The following APOB variants were observed in gnomAD, a reference collection of about 807,000 sequenced individuals.
The protein encoded by APOB is apolipoprotein B-100.
Under a neutral mutation model 314.1 loss-of-function variants are expected in APOB, and 153 were observed. That is an observed-to-expected ratio of 0.49 (90% CI 0.43 to 0.56). The LOEUF (loss-of-function observed/expected upper bound fraction) is 0.56, where lower values mean the gene tolerates loss of function less well. APOB is among the 20% of genes least tolerant of loss of function. The pLI, the probability that APOB is intolerant of heterozygous loss-of-function variation, is 0.00. For missense variants in APOB, 5,430 were observed against 5,350.7 expected (o/e 1.01, Z -0.46); for synonymous variants, 2,087 against 2,036.4 (o/e 1.02, Z -0.67).
At position 21,028,530 on chromosome 2, in the gene APOB, C is replaced by T. The variant is rs367788462; in HGVS notation, c.1626G>A (p.Glu542=). The T allele has an allele frequency of 6.2e-6, 10 of 1,610,694 alleles. No homozygotes were observed. In the East Asian group the frequency reaches 1.6e-4, roughly 25 times the overall value. ...CATCAAGGAAAGTCTGAAGAAGAAC[C>T]TCCTGGTCCTGCAGTCAAAAGAGGA... ...RKMEPKDKDQ[E]VLLQTFLDDA... The change falls in exon 13 of 29, where the codon GAG becomes GAA. Residue 542 remains glutamate (E), a synonymous_variant. Transcript: ENST00000233242.
intron 7 of APOB, 74 bp from the exon 8 acceptor site, chr2:21,034,975 T>G: frequency 1.2e-6 from 1 of 828,524 alleles, no homozygotes; most frequent in Non-Finnish European, 2.2e-6. Context: ...AGGTTTTCCC[T>G]GTCTCTGCAT....
chr2:21,028,304 T>TG, intron 13 of APOB, 23 bp downstream of exon 13: 2 of 1,586,744 alleles, frequency 1.3e-6, no homozygotes, highest in Non-Finnish European at 1.7e-6. Context: ...CAGTGGTATA[T>TG]GGGGTGAATA....
In APOB at chr2:21,011,232, A is replaced by G. The variant is rs963000267; in HGVS notation, c.5636T>C (p.Ile1879Thr). Residue 1879 changes from isoleucine to threonine, a missense_variant, in exon 26 of 29, where the codon ATT becomes ACT. Ile to Thr is a moderately conservative substitution (Grantham distance 89). This residue lies in a region of APOB where 3,281 missense variants were observed against 3,171.0 expected (regional missense o/e 1.03). Coordinates refer to ENST00000233242, the MANE Select transcript of APOB (RefSeq NM_000384.3). ...TGAATTATAGTTTGTGCTCATGTCAATGGCTGAAGCCAGCCCAGCGATGTC... is the reference window on the plus strand; with the variant it reads ...TGAATTATAGTTTGTGCTCATGTCAGTGGCTGAAGCCAGCCCAGCGATGTC... ...NTDIAGLASA[I>T]DMSTNYNSDS... The G allele has an allele frequency of 6.2e-7, 1 of 1,614,218 alleles. No homozygotes were observed. Among genetic ancestry groups the G allele is most frequent in the South Asian group, 1.1e-5 (1 of 91,086 alleles).
At chr2:21,034,974 C>T in intron 7 of APOB, 73 bp from the exon 8 acceptor site, 1 of 839,388 alleles carries the variant, frequency 1.2e-6, no homozygotes, top group Non-Finnish European at 2.1e-6. Flanking sequence ...AAGGTTTTCC[C>T]TGTCTCTGCA....
rs760734006 is a variant in APOB at position 21,005,913 on chromosome 2, T to A, written c.10955A>T (p.Asn3652Ile). 6.2e-7 allele frequency: 1 copy of A among 1,613,968 alleles called. No homozygotes were observed. The highest frequency in any genetic ancestry group is 8.5e-7 in the Non-Finnish European group (1 of 1,179,948). The change falls in exon 26 of 29, where the codon AAT becomes ATT. Residue 3652 changes from asparagine to isoleucine, a missense_variant. Physicochemically the swap from Asn to Ile is moderately radical, Grantham distance 149. This residue lies in a region of APOB where 3,281 missense variants were observed against 3,171.0 expected (regional missense o/e 1.03). Coordinates refer to ENST00000233242, the MANE Select transcript of APOB (RefSeq NM_000384.3). ...GSFQSQVELS[N>I]DQEKAHLDIA... ...GTCAAGGTGTGCCTTTTCTTGGTCA[T>A]TGGAAAGCTCGACCTGGCTCTGGAA...
In APOB at chr2:21,012,035, G is replaced by A. The variant is rs1663338260; in HGVS notation, c.4833C>T (p.Phe1611=). Residue 1611 remains phenylalanine (F), a synonymous_variant, in exon 26 of 29, where the codon TTC becomes TTT. Coordinates refer to ENST00000233242, the MANE Select transcript of APOB (RefSeq NM_000384.3). ...TTAGTGATCCAGAAAGCAGGCTGAA[G>A]AACCTCAATGACTCGTAATCAGCCT... ...EYQADYESLR[F]FSLLSGSLNS... is the part of the protein sequence containing the mutation. 1 of 1,614,100 alleles carries A rather than the reference G, an allele frequency of 6.2e-7. No individual in the cohort carries two copies. Among genetic ancestry groups the A allele is most frequent in the Non-Finnish European group, 8.5e-7 (1 of 1,180,052 alleles).
In APOB at chr2:21,009,009, G is replaced by C; in HGVS notation, c.7859C>G (p.Pro2620Arg). Residue 2620 changes from proline to arginine, a missense_variant, in exon 26 of 29, where the codon CCC becomes CGC. By Grantham distance (103) the Pro-to-Arg change is moderately radical. Coordinates refer to ENST00000233242, the MANE Select transcript of APOB (RefSeq NM_000384.3). ...TGATGGAATCCTCAAATCTGTTAGG[G>C]GGACTATAAAATCAGGTGTCTGGAA... ...ATFQTPDFIVPLTDLRIPSVQ... is the reference protein window; with the variant it reads ...ATFQTPDFIVRLTDLRIPSVQ... 3 of 1,613,990 alleles carry C rather than the reference G, an allele frequency of 1.9e-6. No homozygotes were observed. The highest frequency in any genetic ancestry group is 2.5e-6 in the Non-Finnish European group (3 of 1,179,928).
At chr2:21,013,991 A>G (rs1663404977) in intron 24 of APOB, among the ~76,000 whole-genome samples, 1 of 152,252 alleles carries the variant, frequency 6.6e-6, no homozygotes, top group Non-Finnish European at 1.5e-5. Context: ...TGCTAAACTG[A>G]ATTGAGACAA....
rs746951119 is a variant in APOB, at chr2:21,006,312, G to A, written c.10556C>T (p.Thr3519Ile). The change falls in exon 26 of 29, where the codon ACT becomes ATT. Residue 3519 changes from threonine to isoleucine, a missense_variant. Transcript: ENST00000233242. The stretch of plus-strand genomic sequence containing the variant: ...CCGTGTGCTCTTGGAATTCAAGTAA[G>A]TGTTGGCCTCACTAGCAATAGTTCC... ...YSGTIASEAN[T>I]YLNSKSTRSS... 5.0e-6 allele frequency: 8 copies of A among 1,614,056 alleles called. No homozygotes were observed. The highest frequency in any genetic ancestry group is 5.9e-6 in the Non-Finnish European group (7 of 1,179,978).
chr2:21,024,608 T>A, intron 16 of APOB: 1 of 498,444 alleles, frequency 2.0e-6, no homozygotes, highest in East Asian at 3.3e-5. Context: ...CAAGACTCCA[T>A]CTCAAAAAAT....
Position 21,005,559 on chromosome 2 carries a change from A to G in APOB, c.11309T>C (p.Ile3770Thr). 2 of 1,614,028 alleles carry G rather than the reference A, an allele frequency of 1.2e-6. No homozygotes were observed. Among genetic ancestry groups the G allele is most frequent in the Non-Finnish European group, 1.7e-6 (2 of 1,179,978 alleles). The change falls in exon 26 of 29, where the codon ATC becomes ACC. Residue 3770 changes from isoleucine (I) to threonine (T), a missense_variant. Coordinates refer to ENST00000233242, the MANE Select transcript of APOB (RefSeq NM_000384.3). ...TGATGAAGTTCTCAGCTTCTTATAG[A>G]TTTGTATTTCTCTGAAGTCAAGTTT... ...SCKLDFREIQIYKKLRTSSFA... is the reference protein window; with the variant it reads ...SCKLDFREIQTYKKLRTSSFA...
Position 21,020,183 on chromosome 2 carries a change from G to A in APOB, c.2817-278C>T, listed in dbSNP as rs1382844898. ...TGGTTCTCATTTTACAGAAGCAGAG[G>A]CTCAGAGATGTTAAATAGCTGATCA... On this transcript the variant is annotated intron_variant, in intron 18 of 28. Coordinates refer to ENST00000233242, the MANE Select transcript of APOB (RefSeq NM_000384.3). Among the ~76,000 whole-genome samples the A allele has an allele frequency of 2.0e-5, 3 of 152,164 alleles. No individual in the cohort carries two copies. The East Asian group carries it at 5.8e-4, about 29-fold the overall frequency.
chr2:21,043,740 C>G, intron 1 of APOB, 124 bp downstream of exon 1: 7 of 1,510,276 alleles, frequency 4.6e-6, no homozygotes, highest in Non-Finnish European at 6.2e-6. Flanking sequence ...TGGTCCAATC[C>G]CCCCACTCGC....
At chr2:21,024,887 A>C (rs769638991) in intron 16 of APOB, 46 bp downstream of exon 16, 2 of 1,609,272 alleles carry the variant, frequency 1.2e-6, no homozygotes, top group South Asian at 2.2e-5. Context: ...CTAAAAAAAA[A>C]CCAACGTCTG....
At chr2:21,019,698 G>A (rs1420684036) in intron 19 of APOB, 25 bp downstream of exon 19, 5 of 1,611,724 alleles carry the variant, frequency 3.1e-6, no homozygotes, top group Non-Finnish European at 4.2e-6. Context: ...AGAAAATGCT[G>A]GGTCAGGCAC....
intron 5 of APOB, among the ~76,000 whole-genome samples, chr2:21,037,602 C>G (rs764275643): frequency 5.3e-5 from 8 of 152,132 alleles, no homozygotes; most frequent in Non-Finnish European, 4.4e-5. Context: ...GTAAAAGAGA[C>G]CAGCAACAGA....
rs1663310154 is a variant in APOB, at chr2:21,011,210, A to C, written c.5658T>G (p.Asn1886Lys). Residue 1886 changes from asparagine to lysine, a missense_variant, in exon 26 of 29, where the codon AAT (asparagine) becomes AAG (lysine). By Grantham distance (94) the Asn-to-Lys change is moderately conservative. Coordinates refer to ENST00000233242, the MANE Select transcript of APOB (RefSeq NM_000384.3). ...ASAIDMSTNY[N>K]SDSLHFSNVF... is the part of the protein sequence containing the mutation. ...CATTGCTGAAATGCAGTGAGTCTGA[A>C]TTATAGTTTGTGCTCATGTCAATGG... 1.2e-6 allele frequency: 2 copies of C among 1,614,058 alleles called. No individual in the cohort carries two copies. Among genetic ancestry groups the C allele is most frequent in the African/African-American group, 1.3e-5 (1 of 74,924 alleles).
chr2:21,004,610 G>A lies in APOB; in HGVS notation c.11854C>T (p.Arg3952Cys), dbSNP rs535121944. 34 of 1,613,712 alleles carry A rather than the reference G, an allele frequency of 2.1e-5. No individual in the cohort carries two copies. Among genetic ancestry groups the A allele is most frequent in the Non-Finnish European group, 1.8e-5 (21 of 1,179,826 alleles). ...TCTTCATATTCTGCACTGAAGTCAC[G>A]GTGTGCAAATGTTCCTTTAGTCTTA... ...ASKTKGTFAH[R>C]DFSAEYEEDG... The change falls in exon 27 of 29, where the codon CGT (arginine) becomes TGT (cysteine). Residue 3952 changes from arginine (R) to cysteine (C), a missense_variant. By Grantham distance (180) the Arg-to-Cys change is radical. Coordinates refer to ENST00000233242, the MANE Select transcript of APOB (RefSeq NM_000384.3).
rs1472545750 is a variant in APOB at position 21,044,020 on chromosome 2, C to T, written c.-75G>A. 2.6e-6 allele frequency: 2 copies of T among 777,252 alleles called. No homozygotes were observed. Among genetic ancestry groups the T allele is most frequent in the East Asian group, 3.8e-5 (1 of 26,310 alleles). 48.1% of individuals were successfully genotyped at this position (777,252 alleles called of 1,614,324 possible). On this transcript the variant is annotated 5_prime_UTR_variant, in exon 1 of 29. Transcript: ENST00000233242. ...GCGGCCCTGGCTGGCTGGGCGGGCT[C>T]CTCAGCGGCAGCAACCGAGAAGGGC... is the stretch of plus-strand genomic sequence containing the variant.
Sources: gnomAD v4.1 joint callset for allele counts (sites outside exome capture counted in the v4.1 genomes callset) on GRCh38, gnomAD v4.1.1 for gene constraint, gnomAD v4.1.1 regional missense constraint, MANE v1.5 for transcripts, NCBI Gene and HGNC (gene_info 2026-07-23, HGNC 2026-07-21) for gene names.